The following MDGA2 variants were observed in gnomAD, a reference collection of about 807,000 sequenced individuals.
MDGA2 encodes the protein MAM domain containing glycosylphosphatidylinositol anchor 2.
Under a neutral mutation model 117.8 loss-of-function variants are expected in MDGA2, and 40 were observed. The observed-to-expected ratio is 0.34, with a 90% CI of 0.26 to 0.44. MDGA2 has a LOEUF of 0.44. Among genes scored for constraint, MDGA2 ranks in the 20% least tolerant of loss-of-function variants. The pLI is 1.00. For missense variants in MDGA2, 1,123 were observed against 1,250.6 expected (o/e 0.90, Z 1.54); for synonymous variants, 452 against 439.0 (o/e 1.03, Z -0.37).
intron 1 of MDGA2, among the ~76,000 whole-genome samples, chr14:47,314,389 A>G (rs1442113562): frequency 2.0e-5 from 3 of 152,178 alleles, no homozygotes; most frequent in Non-Finnish European, 2.9e-5. Flanking sequence ...TTTTCTTAAA[A>G]CATAATTTTT....
At chr14:47,623,326 T>C (rs959510105) in intron 1 of MDGA2, among the ~76,000 whole-genome samples, 1 of 152,186 alleles carries the variant, frequency 6.6e-6, no homozygotes, top group Non-Finnish European at 1.5e-5. Context: ...AACCAGTCTG[T>C]GATATTCCAT....
At chr14:46,956,499 C>T (rs929300232) in intron 9 of MDGA2, among the ~76,000 whole-genome samples, 2 of 151,992 alleles carry the variant, frequency 1.3e-5, no homozygotes, top group Admixed American at 1.3e-4. Flanking sequence ...TATTTGTAAA[C>T]ATATGGCCAG....
chr14:46,982,771 C>T (rs1322237307), intron 8 of MDGA2, among the ~76,000 whole-genome samples: 2 of 150,044 alleles, frequency 1.3e-5, no homozygotes, highest in South Asian at 2.1e-4. Flanking sequence ...ATTTGACTTC[C>T]CCTTTTCCTA....
chr14:47,527,790 G>A (rs1895003302), intron 1 of MDGA2, among the ~76,000 whole-genome samples: 1 of 152,190 alleles, frequency 6.6e-6, no homozygotes, highest in African/African-American at 2.4e-5. Flanking sequence ...ATGCCAGACT[G>A]CAGAGAGGTT....
chr14:47,579,705 CAT>C (rs779246114), intron 1 of MDGA2, among the ~76,000 whole-genome samples: 1 of 151,856 alleles, frequency 6.6e-6, no homozygotes, highest in Non-Finnish European at 1.5e-5. Context: ...CTTTGGAAGA[CAT>C]CTAAAAATAA....
Position 47,482,903 on chromosome 14 carries a change from G to GA in MDGA2, c.281-181354dup, listed in dbSNP as rs71900416. On this transcript the variant is annotated intron_variant, in intron 1 of 16. Transcript: ENST00000399232. Reference sequence around the variant, plus strand: ...CTGAAGGATCGGATGGTGGAGTAATGAAAAAAAAAAAAAGAGAAAAGGAAG... The same window carrying GA: ...CTGAAGGATCGGATGGTGGAGTAATGAAAAAAAAAAAAAAGAGAAAAGGAAG... Among the ~76,000 whole-genome samples, 117 of 137,462 alleles carry GA rather than the reference G, an allele frequency of 8.5e-4. No homozygotes were observed. In the Middle Eastern group the frequency reaches 0.011, roughly 13 times the overall value. 90.2% of individuals were successfully genotyped at this position (137,462 alleles called of 152,430 possible).
intron 1 of MDGA2, among the ~76,000 whole-genome samples, chr14:47,396,094 A>G (rs1276366341): frequency 1.3e-5 from 2 of 152,206 alleles, no homozygotes; most frequent in African/African-American, 4.8e-5. Flanking sequence ...CAAGTGCACA[A>G]ATCAATTTTC....
chr14:47,294,493 T>C (rs980572030), intron 2 of MDGA2, among the ~76,000 whole-genome samples: 5 of 152,150 alleles, frequency 3.3e-5, no homozygotes, highest in Non-Finnish European at 5.9e-5. Context: ...TTAGTTATTT[T>C]AGTTGGAAAC....
chr14:46,996,252 C>A (rs1409455125), intron 8 of MDGA2, among the ~76,000 whole-genome samples: 3 of 152,178 alleles, frequency 2.0e-5, no homozygotes, highest in Non-Finnish European at 4.4e-5. Flanking sequence ...TAAATCTCTA[C>A]TCAACATTGT....
At chr14:47,636,985 TA>T (rs1019845911) in intron 1 of MDGA2, among the ~76,000 whole-genome samples, 1 of 151,252 alleles carries the variant, frequency 6.6e-6, no homozygotes, top group Admixed American at 6.6e-5. Flanking sequence ...AAAAAAAAAT[TA>T]AAAAAATGAA....
chr14:47,644,264 G>C lies in MDGA2; in HGVS notation c.280+30253C>G, dbSNP rs1203135347. The stretch of plus-strand genomic sequence containing the variant: ...GATCTTGAGACTTAAAGATTATCTT[G>C]GATCATCCAATTGGGCTCAATGGAA... On this transcript the variant is annotated intron_variant, in intron 1 of 16. Coordinates refer to ENST00000399232, the MANE Select transcript of MDGA2 (RefSeq NM_001113498.3). Among the ~76,000 whole-genome samples the C allele has an allele frequency of 2.0e-5, 3 of 152,000 alleles. No individual in the cohort carries two copies. In the East Asian group the frequency reaches 5.8e-4, roughly 29 times the overall value.
chr14:46,870,816 G>A (rs1434248030), intron 14 of MDGA2: 1 of 151,856 alleles, frequency 6.6e-6, no homozygotes, highest in Non-Finnish European at 1.5e-5. Context: ...TAAGTTAAAA[G>A]TATATTATAA....
chr14:47,599,370 T>C (rs997508418), intron 1 of MDGA2, among the ~76,000 whole-genome samples: 1 of 152,062 alleles, frequency 6.6e-6, no homozygotes, highest in Non-Finnish European at 1.5e-5. Flanking sequence ...TAATTACTGA[T>C]GTATACTTAG....
chr14:46,906,136 T>C (rs1883483248), intron 10 of MDGA2, among the ~76,000 whole-genome samples: 1 of 151,976 alleles, frequency 6.6e-6, no homozygotes, highest in Non-Finnish European at 1.5e-5. Context: ...TACTGTACTG[T>C]AGAATAAGCA....
At chr14:47,552,958 A>G (rs927309801) in intron 1 of MDGA2, among the ~76,000 whole-genome samples, 1 of 152,100 alleles carries the variant, frequency 6.6e-6, no homozygotes, top group Non-Finnish European at 1.5e-5. Flanking sequence ...CTTCGTTCAG[A>G]TATTTACTCA....
intron 7 of MDGA2, among the ~76,000 whole-genome samples, chr14:47,039,823 A>AGT (rs1036145874): frequency 1.3e-5 from 2 of 152,274 alleles, no homozygotes; most frequent in African/African-American, 4.8e-5. Context: ...ACTATTATTC[A>AGT]GTGTGTAAAA....
intron 8 of MDGA2, among the ~76,000 whole-genome samples, chr14:46,982,705 C>CAAAAAAAAAAAAAAAAA (rs59530070): frequency 2.2e-4 from 10 of 45,936 alleles, no homozygotes; most frequent in African/African-American, 7.5e-4. Context: ...GAGACTCCAT[C>CAAAAAAAAAAAAAAAAA]AAAAAAAAAA....
intron 1 of MDGA2, chr14:47,343,282 A>T: frequency 8.8e-7 from 1 of 1,132,666 alleles, no homozygotes; most frequent in Non-Finnish European, 1.1e-6. Context: ...CAGGAAGGCA[A>T]TGTTAACTAA....
chr14:47,196,458 C>G (rs909607360), intron 3 of MDGA2, among the ~76,000 whole-genome samples: 1 of 151,996 alleles, frequency 6.6e-6, no homozygotes, highest in African/African-American at 2.4e-5. Context: ...GCTTCCTAAG[C>G]GTATACTTTT....
Sources: allele counts gnomAD v4.1 joint callset (sites outside exome capture counted in the v4.1 genomes callset), GRCh38; gene constraint gnomAD v4.1.1; transcripts MANE v1.5; gene names NCBI Gene and HGNC (gene_info 2026-07-23, HGNC 2026-07-21).